The following MEAK7 variants were observed in gnomAD, a reference collection of about 807,000 sequenced individuals.
MEAK7 encodes MTOR associated protein MEAK7.
In MEAK7, 68 loss-of-function variants were observed where a neutral mutation model predicts 40.5. The observed-to-expected ratio is 1.68, with a 90% confidence interval of 1.38 to 2.06. MEAK7 has a LOEUF of 2.06. Ranked by LOEUF, MEAK7 falls within the 30% of genes most tolerant of loss-of-function variation. The pLI, the probability that MEAK7 is intolerant of heterozygous loss-of-function variation, is 0.00. For synonymous variants in MEAK7, 338 were observed against 231.9 expected, an observed-to-expected ratio of 1.46 and a Z score of -4.16; for missense variants, 918 against 580.5, an observed-to-expected ratio of 1.58 and a Z score of -5.98.
At chr16:84,484,729 G>C (rs1912882212) in intron 5 of MEAK7, among the ~76,000 whole-genome samples, 1 of 152,148 alleles carries the variant, frequency 6.6e-6, no homozygotes, top group Admixed American at 6.5e-5. Context: ...GATATTAGAG[G>C]TCATTATTTC....
rs1483144048 is a variant in MEAK7, at chr16:84,477,105, G to A, written c.*2808C>T. On this transcript the variant is annotated 3_prime_UTR_variant, in exon 8 of 8. Transcript: ENST00000343629. ...AGATGGGTTTTCGCCATGTTGCCCA[G>A]GCTGGTCTTGAACTCCTGGGCTCAA... 6.6e-6 allele frequency: 1 copy of A among 152,238 alleles called. No homozygotes were observed. The allele number at this position is 152,238 out of a possible 1,614,324, so 9.4% of individuals were successfully genotyped here.
intron 3 of MEAK7, among the ~76,000 whole-genome samples, chr16:84,493,961 T>C (rs1047272366): frequency 6.6e-6 from 1 of 152,156 alleles, no homozygotes; most frequent in Non-Finnish European, 1.5e-5. Context: ...GAGAGAGGAA[T>C]TCACCCAAGT....
intron 5 of MEAK7, among the ~76,000 whole-genome samples, chr16:84,483,031 G>C (rs764410079): frequency 5.9e-5 from 9 of 152,202 alleles, no homozygotes; most frequent in African/African-American, 1.9e-4. Context: ...GAAAGAGCAG[G>C]CTTCCTTTAG....
In MEAK7 at chr16:84,480,573, T is replaced by C. The variant is rs760899621; in HGVS notation, c.1213A>G (p.Lys405Glu). ...TCTCCAACCGCCCACACCTCCATCT[T>C]ATCAAACTGGAAGTTCTCCTGAGCC... Reference protein sequence around the residue: ...LSAQENFQFDKMEVWAVGDPS... With the variant: ...LSAQENFQFDEMEVWAVGDPS... Residue 405 changes from lysine (K) to glutamate (E), a missense_variant, in exon 7 of 8, where the codon AAG becomes GAG. Lys to Glu is a moderately conservative substitution (Grantham distance 56, BLOSUM62 1). Transcript: ENST00000343629. 6.4e-5 allele frequency: 103 copies of C among 1,613,934 alleles called. No individual in the cohort carries two copies. Among genetic ancestry groups the C allele is most frequent in the Non-Finnish European group, 8.6e-5 (102 of 1,179,922 alleles).
chr16:84,487,122 AC>A, intron 4 of MEAK7, 63 bp from the exon 5 acceptor site: 1 of 1,509,876 alleles, frequency 6.6e-7, no homozygotes, highest in East Asian at 2.3e-5. Context: ...TACTATCTAA[AC>A]CCACACTGAT....
At chr16:84,492,044 A>G (rs549493902) in intron 3 of MEAK7, among the ~76,000 whole-genome samples, 1 of 152,236 alleles carries the variant, frequency 6.6e-6, no homozygotes, top group South Asian at 2.1e-4. Context: ...ACCCAGGAAA[A>G]GATGGCAATC....
At position 84,480,535 on chromosome 16, in the gene MEAK7, C is replaced by A. The variant is rs1282213674; in HGVS notation, c.1251G>T (p.Glu417Asp). The A allele has an allele frequency of 3.7e-6, 6 of 1,607,222 alleles. No homozygotes were observed. Among genetic ancestry groups the A allele is most frequent in the Admixed American group, 1.7e-5 (1 of 59,188 alleles). The change falls in exon 7 of 8, where the codon GAG becomes GAT. Residue 417 changes from glutamate (E) to aspartate (D), a missense_variant. Coordinates refer to ENST00000343629, the MANE Select transcript of MEAK7 (RefSeq NM_020947.4). ...EVWAVGDPSEEQLAKGNKSIL... is the reference protein window; with the variant it reads ...EVWAVGDPSEDQLAKGNKSIL... Reference sequence around the variant, plus strand: ...AGAGGACAGCTCCACTCACCAACTGCTCCTCTGAGGGGTCTCCAACCGCCC... The same window carrying A: ...AGAGGACAGCTCCACTCACCAACTGATCCTCTGAGGGGTCTCCAACCGCCC...
chr16:84,489,736 C>G (rs1441519286), intron 3 of MEAK7, among the ~76,000 whole-genome samples: 1 of 152,098 alleles, frequency 6.6e-6, no homozygotes, highest in Admixed American at 6.6e-5. Context: ...TTTGCTGAGG[C>G]CCAGGAGCTA....
chr16:84,485,054 C>T (rs933586125), intron 5 of MEAK7, among the ~76,000 whole-genome samples: 1 of 152,172 alleles, frequency 6.6e-6, no homozygotes, highest in Non-Finnish European at 1.5e-5. Flanking sequence ...AGCCTTCAGC[C>T]ATGCAGTGAG....
Position 84,486,532 on chromosome 16 carries a change from G to C in MEAK7, c.958+99C>G, listed in dbSNP as rs547199319. On this transcript the variant is annotated intron_variant, in intron 5 of 7. Transcript: ENST00000343629. ...TGCGTCTAGAGAAACACTTGGAGAA[G>C]ATGGGAGAGCCCTATTTAGCACCCC... 25 of 1,486,278 alleles carry C rather than the reference G, an allele frequency of 1.7e-5. No individual in the cohort carries two copies. In the South Asian group the frequency reaches 3.2e-4, roughly 19 times the overall value. The allele number at this position is 1,486,278 out of a possible 1,614,324, so 92.1% of individuals were successfully genotyped here. A position where few individuals can be genotyped will look rare whatever the true frequency, so the allele number is the denominator to read the frequency against.
At chr16:84,501,706 T>C (rs1914519882) in intron 1 of MEAK7, among the ~76,000 whole-genome samples, 1 of 151,752 alleles carries the variant, frequency 6.6e-6, no homozygotes, top group Non-Finnish European at 1.5e-5. Flanking sequence ...CTGGTGCCAG[T>C]GAGGTGGGAA....
chr16:84,493,361 G>A (rs1913784964), intron 3 of MEAK7, among the ~76,000 whole-genome samples: 3 of 152,196 alleles, frequency 2.0e-5, no homozygotes, highest in Admixed American at 6.5e-5. Context: ...GATAACTTCA[G>A]AGATTGTGCT....
chr16:84,497,672 G>T (rs1283489578), intron 2 of MEAK7: 2 of 1,462,912 alleles, frequency 1.4e-6, no homozygotes, highest in Middle Eastern at 2.0e-4. Flanking sequence ...AGAGACTATT[G>T]ATTTCAAAAA....
At chr16:84,497,181 G>C (rs1914121079) in intron 2 of MEAK7, 2 of 328,820 alleles carry the variant, frequency 6.1e-6, no homozygotes, top group African/African-American at 2.2e-5. Flanking sequence ...GCACATTCTA[G>C]AAGAGGGAGG....
chr16:84,480,411 A>C, intron 7 of MEAK7, 118 bp downstream of exon 7: 39 of 1,188,886 alleles, frequency 3.3e-5, no homozygotes, highest in Non-Finnish European at 4.2e-5. Context: ...AGCTACCAGG[A>C]TCAAATTTGG....
chr16:84,484,429 GAATC>G (rs1329795832), intron 5 of MEAK7, among the ~76,000 whole-genome samples: 1 of 152,204 alleles, frequency 6.6e-6, no homozygotes, highest in African/African-American at 2.4e-5. Context: ...CCCAGAAAAT[GAATC>G]AATCACCTTG....
Position 84,495,738 on chromosome 16 carries a change from A to G in MEAK7, c.329T>C (p.Ile110Thr), listed in dbSNP as rs1444124417. The G allele has an allele frequency of 1.9e-6, 3 of 1,613,868 alleles. No individual in the cohort carries two copies. Among genetic ancestry groups the G allele is most frequent in the Admixed American group, 1.7e-5 (1 of 59,992 alleles). ...KGNSEEKSLM[I>T]MKMISATEGP... Reference sequence around the variant, plus strand: ...TTCTGTGGCAGAAATCATTTTCATAATCATGAGACTCTTCTCCTCGGAGTT... The same window carrying G: ...TTCTGTGGCAGAAATCATTTTCATAGTCATGAGACTCTTCTCCTCGGAGTT... Residue 110 changes from isoleucine to threonine, a missense_variant, in exon 3 of 8, where the codon ATT (isoleucine) becomes ACT (threonine). Physicochemically the swap from Ile to Thr is moderately conservative, Grantham distance 89. Transcript: ENST00000343629.
At chr16:84,504,480 G>A (rs937225353) in intron 1 of MEAK7, 121 bp downstream of exon 1, 18 of 582,808 alleles carry the variant, frequency 3.1e-5, no homozygotes, top group Non-Finnish European at 3.7e-5. Context: ...CTGAAGAGGC[G>A]TGGGAGGCCA....
chr16:84,504,009 CCTGT>C (rs1914698968), intron 1 of MEAK7: 1 of 985,532 alleles, frequency 1.0e-6, no homozygotes, highest in African/African-American at 1.7e-5. Flanking sequence ...GCTTCGAAGT[CCTGT>C]CTGTGTCTCA....
Sources: allele counts gnomAD v4.1 joint callset (sites outside exome capture counted in the v4.1 genomes callset), GRCh38; gene constraint gnomAD v4.1.1; transcripts MANE v1.5; gene names NCBI Gene and HGNC (gene_info 2026-07-23, HGNC 2026-07-21).